The following TGM3 variants were observed in gnomAD, a reference collection of about 807,000 sequenced individuals.
TGM3 encodes the protein transglutaminase 3.
In TGM3, 52 loss-of-function variants were observed where a neutral mutation model predicts 73.8. The observed-to-expected ratio is 0.70, with a 90% CI of 0.56 to 0.89. The LOEUF (loss-of-function observed/expected upper bound fraction) is 0.89. Ranked by LOEUF, TGM3 falls within the 40% of genes least tolerant of loss-of-function variation. TGM3 has a pLI of 0.00. For missense variants in TGM3, 928 were observed against 909.9 expected (o/e 1.02, Z -0.26); for synonymous variants, 372 against 354.9 (o/e 1.05, Z -0.54).
chr20:2,332,046 C>T lies in TGM3; in HGVS notation c.1378C>T (p.Leu460Phe). 1 of 1,613,774 alleles carries T rather than the reference C, an allele frequency of 6.2e-7. No homozygotes were observed. The highest frequency in any genetic ancestry group is 8.5e-7 in the Non-Finnish European group (1 of 1,179,754). ...AGTGTTCCAAAAGGCTTTGGGGAAACTTAAACCCAACACGCCATTTGCCGC... is the reference window on the plus strand; with the variant it reads ...AGTGTTCCAAAAGGCTTTGGGGAAATTTAAACCCAACACGCCATTTGCCGC... ...RQVFQKALGK[L>F]KPNTPFAATS... Residue 460 changes from leucine to phenylalanine, a missense_variant, in exon 10 of 13, where the codon CTT (leucine) becomes TTT (phenylalanine). Physicochemically the swap from Leu to Phe is conservative, Grantham distance 22. Coordinates refer to ENST00000381458, the MANE Select transcript of TGM3 (RefSeq NM_003245.4). This position sits in a 1 kb window ranked among gnomAD's most constrained non-coding sequence, Gnocchi z 4.4.
At chr20:2,335,791 T>C (rs1244622017) in intron 11 of TGM3, among the ~76,000 whole-genome samples, 1 of 152,066 alleles carries the variant, frequency 6.6e-6, no homozygotes, top group East Asian at 1.9e-4. Context: ...CCACAGCATC[T>C]CTCCCCTGTC....
intron 3 of TGM3, among the ~76,000 whole-genome samples, chr20:2,310,737 A>C (rs1377299963): frequency 6.6e-6 from 1 of 152,244 alleles, no homozygotes; most frequent in Non-Finnish European, 1.5e-5. Flanking sequence ...CCACAGTATA[A>C]TTCCACAGCA....
At chr20:2,316,278 A>G (rs1457182504) in intron 5 of TGM3, among the ~76,000 whole-genome samples, 2 of 152,222 alleles carry the variant, frequency 1.3e-5, no homozygotes, top group African/African-American at 4.8e-5. Context: ...TAGTTGCTAA[A>G]GTTCTAAAGT....
intron 8 of TGM3, 49 bp downstream of exon 8, chr20:2,326,001 C>T (rs1400839734): frequency 1.3e-6 from 2 of 1,524,738 alleles, no homozygotes; most frequent in Non-Finnish European, 1.8e-6. Context: ...CAGTTATTTA[C>T]AGCCATGGAC....
At chr20:2,317,947 T>TATATATATATATATATATATATATATC (rs1196667009) in intron 7 of TGM3, among the ~76,000 whole-genome samples, 8 of 147,496 alleles carry the variant, frequency 5.4e-5, no homozygotes, top group African/African-American at 1.7e-4. Flanking sequence ...ATATATCATA[T>TATATATATATATATATATATATATATC]ATATATATAT....
intron 1 of TGM3, among the ~76,000 whole-genome samples, chr20:2,302,458 C>A (rs1362432388): frequency 6.6e-6 from 1 of 152,100 alleles, no homozygotes; most frequent in African/African-American, 2.4e-5. Context: ...AAAAATAAGA[C>A]AGAAGCTTAT....
At chr20:2,314,591 C>T (rs905134760) in intron 5 of TGM3, among the ~76,000 whole-genome samples, 15 of 151,110 alleles carry the variant, frequency 9.9e-5, no homozygotes, top group Non-Finnish European at 2.1e-4. Flanking sequence ...CATCGTGACA[C>T]ATGCCTGTAG....
At position 2,300,722 on chromosome 20, in the gene TGM3, G is replaced by A. The variant is rs191183844; in HGVS notation, c.7+4652G>A. Among the ~76,000 whole-genome samples the A allele has an allele frequency of 3.7e-3, 562 of 152,264 alleles. 2 individuals are homozygous for A. Among genetic ancestry groups the A allele is most frequent in the Admixed American group, 0.011 (165 of 15,292 alleles). ...ACACCATTTTGATAGTCAGTATTTCGTGACTATTAAAAAACATAACGCAGG... is the reference window on the plus strand; with the variant it reads ...ACACCATTTTGATAGTCAGTATTTCATGACTATTAAAAAACATAACGCAGG... On this transcript the variant is annotated intron_variant, in intron 1 of 12. Coordinates refer to ENST00000381458, the MANE Select transcript of TGM3 (RefSeq NM_003245.4).
intron 1 of TGM3, among the ~76,000 whole-genome samples, chr20:2,303,940 G>A (rs1320509262): frequency 1.3e-5 from 2 of 152,292 alleles, no homozygotes; most frequent in East Asian, 1.9e-4. Context: ...TGGAATAAAG[G>A]TTAGGAGTAT....
Position 2,335,282 on chromosome 20 carries a change from G to T in TGM3, c.1800+9G>T, listed in dbSNP as rs776865949. On this transcript the variant is annotated intron_variant, in intron 11 of 12. Coordinates refer to ENST00000381458, the MANE Select transcript of TGM3 (RefSeq NM_003245.4). The stretch of plus-strand genomic sequence containing the variant: ...CCACCTTGACCCTGGAGGTAATGGG[G>T]CTCCCCATCCTGTGGGAAGGGGTTC... The T allele has an allele frequency of 2.5e-6, 4 of 1,613,576 alleles. No individual in the cohort carries two copies. The African/African-American group carries it at 4.0e-5, about 16-fold the overall frequency.
At chr20:2,317,552 C>T (rs368213901) in intron 7 of TGM3, 67 bp downstream of exon 7, 32 of 1,598,292 alleles carry the variant, frequency 2.0e-5, no homozygotes, top group East Asian at 8.9e-5. Context: ...TCTCACCATC[C>T]TTCTGGGACC....
intron 1 of TGM3, among the ~76,000 whole-genome samples, chr20:2,308,623 A>G (rs1294863145): frequency 1.3e-5 from 2 of 152,306 alleles, no homozygotes; most frequent in South Asian, 4.1e-4. Flanking sequence ...GAGCATTTGC[A>G]AGTCCCCTCT....
chr20:2,303,744 T>G (rs1279476994), intron 1 of TGM3, among the ~76,000 whole-genome samples: 2 of 152,044 alleles, frequency 1.3e-5, no homozygotes, highest in Non-Finnish European at 2.9e-5. Context: ...GGGATAGATA[T>G]TTATCTGGCA....
At chr20:2,335,838 G>A (rs781754807) in intron 11 of TGM3, among the ~76,000 whole-genome samples, 1 of 152,206 alleles carries the variant, frequency 6.6e-6, no homozygotes, top group Non-Finnish European at 1.5e-5. Context: ...ACTCTTAGGA[G>A]CCTAGTCACA....
At chr20:2,320,563 G>A (rs1009521712) in intron 7 of TGM3, among the ~76,000 whole-genome samples, 1 of 152,158 alleles carries the variant, frequency 6.6e-6, no homozygotes, top group Non-Finnish European at 1.5e-5. Flanking sequence ...GGACCTCAGT[G>A]ACATTTTCTA....
intron 1 of TGM3, among the ~76,000 whole-genome samples, chr20:2,309,034 T>A (rs1370115239): frequency 1.3e-5 from 2 of 152,104 alleles, no homozygotes; most frequent in Non-Finnish European, 2.9e-5. Context: ...TGAACCACCA[T>A]GACCAGCTAA....
At chr20:2,318,351 T>C (rs1022628640) in intron 7 of TGM3, among the ~76,000 whole-genome samples, 6 of 152,104 alleles carry the variant, frequency 3.9e-5, no homozygotes, top group African/African-American at 1.4e-4. Flanking sequence ...GCATTTATAT[T>C]CCTAACCATA....
chr20:2,321,411 C>CT (rs1340225887), intron 7 of TGM3, among the ~76,000 whole-genome samples: 3 of 152,076 alleles, frequency 2.0e-5, no homozygotes, highest in African/African-American at 7.2e-5. Flanking sequence ...TCAGGAAAGG[C>CT]TTTTTTGGCA....
intron 7 of TGM3, among the ~76,000 whole-genome samples, chr20:2,323,503 T>A (rs2012787): frequency 2.0e-5 from 3 of 152,092 alleles, no homozygotes; most frequent in Non-Finnish European, 4.4e-5. Flanking sequence ...AACAATGCCT[T>A]GGTGGACACC....
Sources: allele counts gnomAD v4.1 joint callset (sites outside exome capture counted in the v4.1 genomes callset), GRCh38; gene constraint gnomAD v4.1.1; non-coding constraint Gnocchi (gnomAD v3.1); transcripts MANE v1.5; gene names NCBI Gene and HGNC (gene_info 2026-07-23, HGNC 2026-07-21).